The following PADI3 variants were observed in gnomAD, a reference collection of about 807,000 sequenced individuals.
PADI3 encodes protein-arginine deiminase type-3.
In PADI3, 53 loss-of-function variants were observed where a neutral mutation model predicts 71.5. That is an observed-to-expected ratio of 0.74 (90% CI 0.59 to 0.93). The LOEUF (loss-of-function observed/expected upper bound fraction) is 0.93. Among genes scored for constraint, PADI3 ranks in the 40% least tolerant of loss-of-function variants. PADI3 has a pLI of 0.00. For synonymous variants in PADI3, 361 were observed against 347.5 expected (o/e 1.04, Z -0.43); for missense variants, 821 against 868.0 (o/e 0.95, Z 0.68).
At chr1:17,270,826 A>C in intron 7 of PADI3, 53 bp from the exon 8 acceptor site, 1 of 1,222,988 alleles carries the variant, frequency 8.2e-7, no homozygotes, top group Non-Finnish European at 1.2e-6. Flanking sequence ...GAGTCCCCCC[A>C]GGCCTCTGGA....
At chr1:17,267,592 G>A (rs927837565) in intron 5 of PADI3, among the ~76,000 whole-genome samples, 1 of 152,082 alleles carries the variant, frequency 6.6e-6, no homozygotes, top group Non-Finnish European at 1.5e-5. Flanking sequence ...AGCACCTGTT[G>A]TGTGTCAGAC....
In PADI3 at chr1:17,270,283, G is replaced by T. The variant is rs2073227969; in HGVS notation, c.703G>T (p.Val235Leu). 1 of 1,613,782 alleles carries T rather than the reference G, an allele frequency of 6.2e-7. No homozygotes were observed. Among genetic ancestry groups the T allele is most frequent in the Non-Finnish European group, 8.5e-7 (1 of 1,179,952 alleles). ...AYRHVLGQDK[V>L]SYEVPRLHGD... Reference sequence around the variant, plus strand: ...TAGGCATGTGCTGGGCCAAGATAAGGTGTCCTATGAGGTACCCCGCTTGCA... The same window carrying T: ...TAGGCATGTGCTGGGCCAAGATAAGTTGTCCTATGAGGTACCCCGCTTGCA... The change falls in exon 7 of 16, where the codon GTG becomes TTG. Residue 235 changes from valine (V) to leucine (L), a missense_variant. Val to Leu is a conservative substitution (Grantham distance 32). Coordinates refer to ENST00000375460, the MANE Select transcript of PADI3 (RefSeq NM_016233.2).
chr1:17,265,766 CT>C, intron 4 of PADI3, 46 bp downstream of exon 4: 1 of 1,561,924 alleles, frequency 6.4e-7, no homozygotes, highest in Non-Finnish European at 8.8e-7. Flanking sequence ...GCAGTTGGAG[CT>C]TGCTCTAGGT....
chr1:17,267,684 T>C (rs887344456), intron 5 of PADI3, among the ~76,000 whole-genome samples, 153 bp from the exon 6 acceptor site: 3 of 152,164 alleles, frequency 2.0e-5, no homozygotes, highest in African/African-American at 7.2e-5. Context: ...GTCTTCATGG[T>C]TTGTTCTTGA....
At chr1:17,257,083 G>A (rs1285139507) in intron 1 of PADI3, among the ~76,000 whole-genome samples, 1 of 150,592 alleles carries the variant, frequency 6.6e-6, no homozygotes, top group East Asian at 2.0e-4. Context: ...GATGGAAGGC[G>A]AGTGCCTCAG....
chr1:17,270,652 C>CA (rs777251456), intron 7 of PADI3, among the ~76,000 whole-genome samples: 2 of 151,864 alleles, frequency 1.3e-5, no homozygotes, highest in Admixed American at 6.6e-5. Context: ...ACCCTGTCTC[C>CA]AAAAAATAAT....
At chr1:17,282,400 G>C (rs1163477245) in intron 15 of PADI3, among the ~76,000 whole-genome samples, 1 of 152,078 alleles carries the variant, frequency 6.6e-6, no homozygotes, top group African/African-American at 2.4e-5. Context: ...TCTGTTCCTG[G>C]GGACAAAGAT....
At chr1:17,260,609 A>G (rs1252399343) in intron 2 of PADI3, among the ~76,000 whole-genome samples, 1 of 152,202 alleles carries the variant, frequency 6.6e-6, no homozygotes, top group Non-Finnish European at 1.5e-5. Flanking sequence ...CAGGAGAGCT[A>G]GAATTCAGTG....
intron 13 of PADI3, among the ~76,000 whole-genome samples, chr1:17,280,107 A>G (rs2073382969): frequency 2.0e-5 from 3 of 152,152 alleles, no homozygotes; most frequent in Admixed American, 1.3e-4. Flanking sequence ...GAACTCAAAT[A>G]AAGGTCTCAG....
At chr1:17,279,439 G>A (rs555997340) in intron 13 of PADI3, among the ~76,000 whole-genome samples, 1 of 152,326 alleles carries the variant, frequency 6.6e-6, no homozygotes, top group East Asian at 1.9e-4. Context: ...GATTGCAGTG[G>A]AGCTGGGACT....
intron 1 of PADI3, among the ~76,000 whole-genome samples, chr1:17,254,798 AC>A (rs2073008869): frequency 6.7e-6 from 1 of 149,650 alleles, no homozygotes. Flanking sequence ...GCTCACTGCA[AC>A]CTCCGCCTCC....
intron 15 of PADI3, among the ~76,000 whole-genome samples, chr1:17,282,515 G>A (rs2073414265): frequency 1.3e-5 from 2 of 152,144 alleles, no homozygotes; most frequent in Admixed American, 6.5e-5. Flanking sequence ...GTCCATCTTG[G>A]ACCAGCTGTT....
intron 1 of PADI3, among the ~76,000 whole-genome samples, chr1:17,257,914 G>A (rs2073048579): frequency 6.6e-6 from 1 of 152,200 alleles, no homozygotes; most frequent in Admixed American, 6.5e-5. Context: ...GGCCTGCCGT[G>A]ATAAGAGTGC....
intron 1 of PADI3, among the ~76,000 whole-genome samples, chr1:17,254,332 C>A (rs1458905336): frequency 6.6e-6 from 1 of 152,114 alleles, no homozygotes; most frequent in Non-Finnish European, 1.5e-5. Flanking sequence ...TCTTGTCAAC[C>A]TTTCGGTGTT....
chr1:17,273,249 A>G, intron 9 of PADI3, 91 bp from the exon 10 acceptor site: 6 of 924,452 alleles, frequency 6.5e-6, no homozygotes, highest in Non-Finnish European at 1.0e-5. Flanking sequence ...GGACTTGGTG[A>G]GCAGTCTGCC....
chr1:17,251,323 C>G (rs1224237192), intron 1 of PADI3, among the ~76,000 whole-genome samples: 1 of 152,168 alleles, frequency 6.6e-6, no homozygotes, highest in African/African-American at 2.4e-5. Flanking sequence ...TGTAACAATC[C>G]TGGGTCCTCA....
At chr1:17,268,407 T>C (rs985437731) in intron 6 of PADI3, among the ~76,000 whole-genome samples, 1 of 152,106 alleles carries the variant, frequency 6.6e-6, no homozygotes, top group Non-Finnish European at 1.5e-5. Context: ...TAGATGGCTG[T>C]TGTTTTACAT....
At position 17,283,034 on chromosome 1, in the gene PADI3, G is replaced by T. The variant is rs2073420360; in HGVS notation, c.1950G>T (p.Val650=). ...LHGEVHCGTN[V]CRKPFSFKWW... ...GGGAGGTGCACTGTGGCACCAATGT[G>T]TGCAGAAAGCCCTTCTCTTTCAAGT... Residue 650 remains valine, a synonymous_variant, in exon 16 of 16, where the codon GTG becomes GTT. Transcript: ENST00000375460. The T allele has an allele frequency of 6.2e-7, 1 of 1,614,098 alleles. No homozygotes were observed. Among genetic ancestry groups the T allele is most frequent in the African/African-American group, 1.3e-5 (1 of 74,946 alleles).
At chr1:17,263,408 G>C (rs113636728) in intron 3 of PADI3, among the ~76,000 whole-genome samples, 36 of 152,134 alleles carry the variant, frequency 2.4e-4, no homozygotes, top group African/African-American at 8.7e-4. Flanking sequence ...AGAGCAAATA[G>C]AGAACCCATA....
Sources: allele counts gnomAD v4.1 joint callset (sites outside exome capture counted in the v4.1 genomes callset), GRCh38; gene constraint gnomAD v4.1.1; transcripts MANE v1.5; gene names NCBI Gene and HGNC (gene_info 2026-07-23, HGNC 2026-07-21).